TAF1: variants seen among roughly 807,000 people sequenced by gnomAD.
TAF1 encodes the protein transcription initiation factor TFIID subunit 1.
Under a neutral mutation model 138.5 loss-of-function variants are expected in TAF1, and 2 were observed. That is an observed-to-expected ratio of 0.01 (90% CI 0.01 to 0.05). The LOEUF (loss-of-function observed/expected upper bound fraction) is 0.05. Ranked by LOEUF, TAF1 falls within the 10% of genes least tolerant of loss-of-function variation. The pLI is 1.00. For missense variants in TAF1, 709 were observed against 1,478.0 expected (o/e 0.48, Z 8.53); for synonymous variants, 437 against 503.2 (o/e 0.87, Z 1.76).
intron 32 of TAF1, among the ~76,000 whole-genome samples, chrX:71,425,720 G>A (rs2036558435): frequency 9.0e-6 from 1 of 111,079 alleles, no homozygotes; most frequent in Non-Finnish European, 1.9e-5. Flanking sequence ...TGCATCAGAC[G>A]AGAGCAAGGA....
At chrX:71,508,619 A>G (rs888069335) in intron 13 of TAF1, among the ~76,000 whole-genome samples, 6 of 105,557 alleles carry the variant, frequency 5.7e-5, no homozygotes, top group Non-Finnish European at 1.2e-4. Context: ...AAAAAAAAAA[A>G]AAAGAAAAAA....
chrX:71,463,479 G>A (rs1458728168), intron 37 of TAF1, among the ~76,000 whole-genome samples: 2 of 110,969 alleles, frequency 1.8e-5, no homozygotes, highest in Admixed American at 9.6e-5. Context: ...ATAGAGACAA[G>A]ATATATTGAA....
At chrX:71,453,557 T>C (rs898805889) in intron 32 of TAF1, among the ~76,000 whole-genome samples, 2 of 110,609 alleles carry the variant, frequency 1.8e-5, no homozygotes, top group Non-Finnish European at 3.8e-5. Flanking sequence ...CAGAGTGTTA[T>C]ATTAATTGTG....
chrX:71,399,058 G>C (rs934306441), intron 24 of TAF1, among the ~76,000 whole-genome samples: 1 of 108,904 alleles, frequency 9.2e-6, no homozygotes, highest in African/African-American at 3.4e-5. Context: ...TCCTACCTCT[G>C]CTTCCCAAGT....
chrX:71,395,398 G>A (rs1011239616), intron 22 of TAF1, among the ~76,000 whole-genome samples: 1 of 111,046 alleles, frequency 9.0e-6, no homozygotes, highest in Non-Finnish European at 1.9e-5. Flanking sequence ...CCAGCTACTC[G>A]GGAGGCTGAG....
intron 18 of TAF1, among the ~76,000 whole-genome samples, chrX:71,390,554 C>T (rs750931039): frequency 9.0e-6 from 1 of 111,414 alleles, no homozygotes; most frequent in Non-Finnish European, 1.9e-5. Flanking sequence ...GGGTCTTGCT[C>T]TGTTACCCAG....
chrX:71,419,064 G>T (rs1282750809), intron 28 of TAF1, among the ~76,000 whole-genome samples: 1 of 111,693 alleles, frequency 9.0e-6, no homozygotes, highest in Admixed American at 9.6e-5. Flanking sequence ...ACCACGCCCA[G>T]CCCAGAGATT....
chrX:71,513,881 C>T (rs146150480), intron 13 of TAF1, among the ~76,000 whole-genome samples: 181 of 110,888 alleles, frequency 1.6e-3, no homozygotes, highest in African/African-American at 5.5e-3. Context: ...CCAATCAGCG[C>T]TCTGTGTCTA....
intron 24 of TAF1, among the ~76,000 whole-genome samples, chrX:71,399,092 A>T (rs1181406343): frequency 9.2e-6 from 1 of 109,158 alleles, no homozygotes; most frequent in East Asian, 2.9e-4. Flanking sequence ...GGCACGTGCC[A>T]CCACACCCAG....
Position 71,377,140 on chromosome X carries a change from C to A in TAF1, c.663C>A (p.Thr221=), listed in dbSNP as rs538436943. The change falls in exon 5 of 38, where the codon ACC becomes ACA. Residue 221 remains threonine, a synonymous_variant. Transcript: ENST00000423759. Reference sequence around the variant, plus strand: ...CTGGGATTATGCAGCATGATGCCACCAAGCTGTTGCCAAGTGTCACAGAAC... The same window carrying A: ...CTGGGATTATGCAGCATGATGCCACAAAGCTGTTGCCAAGTGTCACAGAAC... ...PLAGIMQHDA[T]KLLPSVTELF... is the part of the protein sequence containing the mutation. 5 of 1,211,619 alleles carry A rather than the reference C, an allele frequency of 4.1e-6. No individual in the cohort carries two copies. The South Asian group carries it at 8.8e-5, about 21-fold the overall frequency.
chrX:71,504,293 G>GAT (rs2039576438), intron 13 of TAF1, among the ~76,000 whole-genome samples: 1 of 109,833 alleles, frequency 9.1e-6, no homozygotes, highest in Non-Finnish European at 1.9e-5. Flanking sequence ...AACCCTGACT[G>GAT]ATACATCCTT....
chrX:71,403,271 C>T (rs1478593380), intron 25 of TAF1, among the ~76,000 whole-genome samples: 1 of 111,449 alleles, frequency 9.0e-6, no homozygotes, highest in Non-Finnish European at 1.9e-5. Context: ...TCAAGCAGTC[C>T]TCCTGCCTCA....
chrX:71,493,180 A>G (rs1314808247), intron 13 of TAF1, among the ~76,000 whole-genome samples: 1 of 110,389 alleles, frequency 9.1e-6, no homozygotes, highest in Non-Finnish European at 1.9e-5. Context: ...TGCCCGGCTA[A>G]TTTTTTGTAT....
chrX:71,490,310 A>T (rs1430870353), intron 13 of TAF1, among the ~76,000 whole-genome samples: 1 of 112,393 alleles, frequency 8.9e-6, no homozygotes, highest in African/African-American at 3.2e-5. Context: ...GTTCTTTAAA[A>T]ATTACCCAAT....
rs189034564 is a variant in TAF1, at chrX:71,380,941, T to C, written c.1361-802T>C. Among the ~76,000 whole-genome samples, 794 of 112,277 alleles carry C rather than the reference T, an allele frequency of 7.1e-3. 10 individuals are homozygous for C. Among genetic ancestry groups the C allele is most frequent in the African/African-American group, 0.024 (754 of 30,895 alleles). ...CCTGACCTCAAGTGATCTGCCTGCCTTGGTCTCCCAAAATGCTGGGATTAC... is the reference window on the plus strand; with the variant it reads ...CCTGACCTCAAGTGATCTGCCTGCCCTGGTCTCCCAAAATGCTGGGATTAC... On this transcript the variant is annotated intron_variant, in intron 8 of 37. Transcript: ENST00000423759.
In TAF1 at chrX:71,412,445, ATGTAATAC is replaced by A. The variant is rs2035847442; in HGVS notation, c.4384+4296_4384+4303del. On this transcript the variant is annotated intron_variant, in intron 28 of 37. Transcript: ENST00000423759. The stretch of plus-strand genomic sequence containing the variant: ...TGCCCAACCTCATTTTTTTTTAATC[ATGTAATAC>A]TCCATTGTATGGATGCCCCACATTT... Among the ~76,000 whole-genome samples the A allele has an allele frequency of 3.6e-5, 4 of 111,300 alleles. No individual in the cohort carries two copies. In the South Asian group the frequency reaches 1.5e-3, roughly 42 times the overall value.
In TAF1 at chrX:71,419,726, T is replaced by TA. The variant is rs772414361; in HGVS notation, c.4385-1576dup. ...TCCTTCCAGAGCCCTGGCTAAAAAA[T>TA]AAAAAAACCTCCTACCACCCACACC... On this transcript the variant is annotated intron_variant, in intron 28 of 37. Transcript: ENST00000423759. 3.6e-5 allele frequency among the ~76,000 whole-genome samples: 4 copies of TA among 110,178 alleles called. No homozygotes were observed. The East Asian group carries it at 8.6e-4, about 24-fold the overall frequency.
At chrX:71,478,095 A>G (rs1046255395) in intron 13 of TAF1, among the ~76,000 whole-genome samples, 1 of 110,922 alleles carries the variant, frequency 9.0e-6, no homozygotes, top group African/African-American at 3.3e-5. Context: ...AAGAATAACT[A>G]TCCTGGGCCA....
Position 71,393,378 on chromosome X carries a change from G to A in TAF1, c.3129G>A (p.Gly1043=), listed in dbSNP as rs370264521. The part of the protein sequence containing the change: ...MSTEQARSGE[G]PMSKFARGSR... ...CAGAACAGGCTCGTTCTGGAGAGGGGCCCATGAGTAAATTTGCCCGTGGAT... is the reference window on the plus strand; with the variant it reads ...CAGAACAGGCTCGTTCTGGAGAGGGACCCATGAGTAAATTTGCCCGTGGAT... Residue 1043 remains glycine, a synonymous_variant, in exon 21 of 38, where the codon GGG becomes GGA. Coordinates refer to ENST00000423759, the MANE Select transcript of TAF1 (RefSeq NM_004606.5). 1.7e-6 allele frequency: 2 copies of A among 1,207,225 alleles called. No homozygotes were observed. Among genetic ancestry groups the A allele is most frequent in the African/African-American group, 1.8e-5 (1 of 56,388 alleles).
Sources: allele counts gnomAD v4.1 joint callset (sites outside exome capture counted in the v4.1 genomes callset), GRCh38; gene constraint gnomAD v4.1.1; transcripts MANE v1.5; gene names NCBI Gene and HGNC (gene_info 2026-07-23, HGNC 2026-07-21).